Variants in OGFOD1 observed in about 807,000 individuals in gnomAD.
OGFOD1 encodes 2-oxoglutarate and iron dependent oxygenase domain containing 1, also known as prolyl 3-hydroxylase OGFOD1.
In OGFOD1, 54 loss-of-function variants were observed where a neutral mutation model predicts 67.7. The ratio of observed to expected loss-of-function variants is 0.80; its 90% confidence interval spans 0.64 to 1.00. The LOEUF is 1.00. OGFOD1 is among the 50% of genes least tolerant of loss of function. OGFOD1 has a pLI of 0.00. For missense variants in OGFOD1, 606 were observed against 646.7 expected (o/e 0.94, Z 0.68); for synonymous variants, 221 against 227.0 (o/e 0.97, Z 0.24).
chr16:56,472,127 A>C (rs1435004751), intron 10 of OGFOD1, among the ~76,000 whole-genome samples: 2 of 151,118 alleles, frequency 1.3e-5, no homozygotes, highest in African/African-American at 2.4e-5. Flanking sequence ...ACACCCAACT[A>C]ATTTTCTTGA....
chr16:56,464,875 T>C (rs185915876), intron 4 of OGFOD1, among the ~76,000 whole-genome samples: 1 of 152,366 alleles, frequency 6.6e-6, no homozygotes, highest in East Asian at 1.9e-4. Context: ...ATCTGGACTC[T>C]TAAGTGTCTT....
At chr16:56,464,870 G>A (rs750336204) in intron 4 of OGFOD1, among the ~76,000 whole-genome samples, 5 of 152,100 alleles carry the variant, frequency 3.3e-5, no homozygotes, top group Non-Finnish European at 5.9e-5. Flanking sequence ...TCAAGATCTG[G>A]ACTCTTAAGT....
intron 7 of OGFOD1, 149 bp from the exon 8 acceptor site, chr16:56,467,756 T>G (rs1962967259): frequency 1.5e-6 from 1 of 646,480 alleles, no homozygotes; most frequent in Non-Finnish European, 2.8e-6. Context: ...CTTTTGAGAG[T>G]GTCTTTCTCA....
intron 7 of OGFOD1, 65 bp downstream of exon 7, chr16:56,467,358 AAAATTAGCTGTT>A: frequency 6.4e-7 from 1 of 1,563,966 alleles, no homozygotes; most frequent in African/African-American, 1.4e-5. Context: ...CTCTGATTTT[AAAATTAGCTGTT>A]CCATTTAATG....
chr16:56,465,943 T>C (rs1163737027), intron 4 of OGFOD1: 21 of 482,804 alleles, frequency 4.3e-5, no homozygotes, highest in Non-Finnish European at 5.6e-5. Context: ...TCTATCTAAT[T>C]ATGTGCTCTT....
At chr16:56,461,863 C>CA (rs1259664279) in intron 3 of OGFOD1, among the ~76,000 whole-genome samples, 1 of 152,100 alleles carries the variant, frequency 6.6e-6, no homozygotes, top group African/African-American at 2.4e-5. Context: ...GAGGCCGAGG[C>CA]AGGCGGATCA....
At chr16:56,457,958 A>G (rs150701934) in intron 2 of OGFOD1, among the ~76,000 whole-genome samples, 77 of 152,286 alleles carry the variant, frequency 5.1e-4, no homozygotes, top group South Asian at 4.6e-3. Context: ...GATTACAGGC[A>G]TGAGCCACCG....
At chr16:56,474,028 T>A (rs1341645737) in intron 10 of OGFOD1, among the ~76,000 whole-genome samples, 1 of 152,140 alleles carries the variant, frequency 6.6e-6, no homozygotes, top group African/African-American at 2.4e-5. Flanking sequence ...AGGCTGGTCT[T>A]GAACTCCTGA....
chr16:56,463,349 T>G (rs1263972592), intron 4 of OGFOD1, among the ~76,000 whole-genome samples: 1 of 151,274 alleles, frequency 6.6e-6, no homozygotes, highest in Non-Finnish European at 1.5e-5. Flanking sequence ...CCATATCATG[T>G]ATCTTCATTT....
chr16:56,472,212 C>G (rs900337928), intron 10 of OGFOD1, among the ~76,000 whole-genome samples: 1 of 151,998 alleles, frequency 6.6e-6, no homozygotes, highest in Non-Finnish European at 1.5e-5. Context: ...TCAAGTAATC[C>G]TCCTACCTTG....
chr16:56,473,570 G>A (rs1189767903), intron 10 of OGFOD1, among the ~76,000 whole-genome samples: 1 of 152,142 alleles, frequency 6.6e-6, no homozygotes, highest in African/African-American at 2.4e-5. Flanking sequence ...CATTGTACAT[G>A]ATGATGTTTT....
rs1963133196 is a variant in OGFOD1 at position 56,470,799 on chromosome 16, G to A, written c.1285+8G>A. 6.4e-7 allele frequency: 1 copy of A among 1,574,150 alleles called. No individual in the cohort carries two copies. The highest frequency in any genetic ancestry group is 1.4e-5 in the African/African-American group (1 of 73,498). The stretch of plus-strand genomic sequence containing the variant: ...AAAATGAAACAAAGAAAGGTAAGCT[G>A]TTGTTAGGATTTGTCCTTACTTACC... On this transcript the variant is annotated splice_region_variant and intron_variant, in intron 10 of 12. Transcript: ENST00000566157.
chr16:56,453,425 C>A lies in OGFOD1; in HGVS notation c.300+17C>A. The A allele has an allele frequency of 6.2e-7, 1 of 1,603,618 alleles. No homozygotes were observed. The highest frequency in any genetic ancestry group is 8.5e-7 in the Non-Finnish European group (1 of 1,174,962). Reference sequence around the variant, plus strand: ...TTCCAGCAGGTATTTATTCCCCTGCCACATTAACTCTTCCAGCTTGGAAAT... The same window carrying A: ...TTCCAGCAGGTATTTATTCCCCTGCAACATTAACTCTTCCAGCTTGGAAAT... On this transcript the variant is annotated intron_variant, in intron 2 of 12. Transcript: ENST00000566157.
chr16:56,463,556 G>A (rs572184600), intron 4 of OGFOD1, among the ~76,000 whole-genome samples: 1 of 151,708 alleles, frequency 6.6e-6, no homozygotes, highest in African/African-American at 2.4e-5. Flanking sequence ...CTGAGTATCT[G>A]GGATTACAGG....
chr16:56,454,435 G>A lies in OGFOD1; in HGVS notation c.300+1027G>A, dbSNP rs1296270329. 5.5e-5 allele frequency among the ~76,000 whole-genome samples: 8 copies of A among 146,728 alleles called. No homozygotes were observed. The East Asian group carries it at 6.0e-4, about 11-fold the overall frequency. ...GCTCTACATTGCAGTAGGGCAAAGCGTTAAATCCGTTCTTTTTTTTTTTGG... is the reference window on the plus strand; with the variant it reads ...GCTCTACATTGCAGTAGGGCAAAGCATTAAATCCGTTCTTTTTTTTTTTGG... On this transcript the variant is annotated intron_variant, in intron 2 of 12. Coordinates refer to ENST00000566157, the MANE Select transcript of OGFOD1 (RefSeq NM_018233.4).
Position 56,466,956 on chromosome 16 carries a change from T to G in OGFOD1, c.646T>G (p.Ser216Ala). The G allele has an allele frequency of 3.1e-6, 5 of 1,610,294 alleles. No individual in the cohort carries two copies. Among genetic ancestry groups the G allele is most frequent in the Non-Finnish European group, 4.2e-6 (5 of 1,176,502 alleles). The part of the protein sequence containing the change: ...KLVFFEVSPV[S>A]FHQVSEVLSE... ...GGTTTTCTTTGAAGTATCTCCTGTGTCCTTTCACCAGGTAAAGACTGTAAG... is the reference window on the plus strand; with the variant it reads ...GGTTTTCTTTGAAGTATCTCCTGTGGCCTTTCACCAGGTAAAGACTGTAAG... Residue 216 changes from serine (S) to alanine (A), a missense_variant, in exon 6 of 13, where the codon TCC becomes GCC. Physicochemically the swap from Ser to Ala is moderately conservative, Grantham distance 99 (BLOSUM62 1). Transcript: ENST00000566157.
rs1567557012 is a variant in OGFOD1 at position 56,474,838 on chromosome 16, T to TC, written c.1299dup (p.Met434HisfsTer19). 2 of 1,610,046 alleles carry TC rather than the reference T, an allele frequency of 1.2e-6. No individual in the cohort carries two copies. The highest frequency in any genetic ancestry group is 1.7e-6 in the Non-Finnish European group (2 of 1,178,568). ...TTTTTTTTTCCTTAGAATCAAGTGT[T>TC]CCCATGTGCCAAGGGGAACTGAGGC... On this transcript the variant is annotated frameshift_variant, in exon 11 of 13. Transcript: ENST00000566157. LOFTEE classifies it high-confidence loss of function.
chr16:56,476,222 T>TGAACAAAAATGTGACCCTTC lies in OGFOD1; in HGVS notation c.*19_*38dup, dbSNP rs1963471203. 6.3e-7 allele frequency: 1 copy of TGAACAAAAATGTGACCCTTC among 1,599,282 alleles called. No homozygotes were observed. On this transcript the variant is annotated 3_prime_UTR_variant, in exon 13 of 13. Transcript: ENST00000566157. ...TATGAATGACAGCACTGGGCAAAGC[T>TGAACAAAAATGTGACCCTTC]GAACAAAAATGTGACCCTTCGTAAT...
At position 56,464,551 on chromosome 16, in the gene OGFOD1, GATTT is replaced by G. The variant is rs770710825; in HGVS notation, c.449-1593_449-1590del. On this transcript the variant is annotated intron_variant, in intron 4 of 12. Transcript: ENST00000566157. ...CCACTCTAGAGAAGACCTTTCTCCT[GATTT>G]ATTTATTCATTCGTTTATATTGGTA... 8.5e-5 allele frequency among the ~76,000 whole-genome samples: 13 copies of G among 152,194 alleles called. No individual in the cohort carries two copies. In the East Asian group the frequency reaches 1.2e-3, roughly 14 times the overall value.
Sources: gnomAD v4.1 joint callset for allele counts (sites outside exome capture counted in the v4.1 genomes callset) on GRCh38, gnomAD v4.1.1 for gene constraint, MANE v1.5 for transcripts, NCBI Gene and HGNC (gene_info 2026-07-23, HGNC 2026-07-21) for gene names.